ZNF438: variants seen among roughly 807,000 people sequenced by gnomAD.
ZNF438 encodes zinc finger protein 438.
A neutral mutation model predicts 38.0 loss-of-function variants in ZNF438; 25 were observed. That is an observed-to-expected ratio of 0.66 (90% CI 0.48 to 0.92). The LOEUF (loss-of-function observed/expected upper bound fraction) is 0.92. ZNF438 is among the 40% of genes least tolerant of loss of function. The probability of loss-of-function intolerance (pLI) is 0.00; values close to 1 mark genes in which losing one functional copy is unlikely to be tolerated. For missense variants in ZNF438, 1,007 were observed against 999.6 expected (o/e 1.01, Z -0.10); for synonymous variants, 372 against 364.1 (o/e 1.02, Z -0.25).
At chr10:30,955,067 T>C (rs1293625963) in intron 1 of ZNF438, among the ~76,000 whole-genome samples, 1 of 152,256 alleles carries the variant, frequency 6.6e-6, no homozygotes, top group Non-Finnish European at 1.5e-5. Flanking sequence ...GAATGTTTAC[T>C]GCAGCTATTC....
At chr10:30,849,932 T>C in exon 5 of ZNF438, 1 of 1,614,200 alleles carries the variant, frequency 6.2e-7, no homozygotes, top group Non-Finnish European at 8.5e-7. Flanking sequence ...AGGGGACATC[T>C]GAGGACACAT....
intron 4 of ZNF438, among the ~76,000 whole-genome samples, chr10:30,870,319 T>C (rs1303284288): frequency 2.0e-5 from 3 of 152,224 alleles, no homozygotes; most frequent in Non-Finnish European, 2.9e-5. Context: ...TTTGAGCCAC[T>C]TGACACGCAA....
chr10:31,017,291 TG>T (rs1260277004), intron 1 of ZNF438, among the ~76,000 whole-genome samples: 1 of 152,238 alleles, frequency 6.6e-6, no homozygotes, highest in African/African-American at 2.4e-5. Flanking sequence ...GCTTTGCCTT[TG>T]GAAGATTTTT....
At chr10:31,024,739 A>G (rs2056832524) in intron 1 of ZNF438, among the ~76,000 whole-genome samples, 1 of 152,240 alleles carries the variant, frequency 6.6e-6, no homozygotes, top group South Asian at 2.1e-4. Flanking sequence ...TTGGTCTAAT[A>G]GTGAGGATAA....
chr10:30,994,856 C>A (rs920543287), intron 1 of ZNF438, among the ~76,000 whole-genome samples: 1 of 151,812 alleles, frequency 6.6e-6, no homozygotes, highest in Non-Finnish European at 1.5e-5. Context: ...CATGGTGAGA[C>A]CCTGTCTCTA....
rs1437681998 is a variant in ZNF438 at position 30,898,934 on chromosome 10, CAG to C, written c.-32+9997_-32+9998del. On this transcript the variant is annotated intron_variant, in intron 3 of 5. Transcript: ENST00000413025. ...ACTCAAAATAATTTCAACTTAGTAA[CAG>C]ATCTTTAGTTAAGGATGGATCTTCA... 2.0e-5 allele frequency among the ~76,000 whole-genome samples: 3 copies of C among 152,126 alleles called. No homozygotes were observed. In the East Asian group the frequency reaches 5.8e-4, roughly 29 times the overall value.
At chr10:30,860,161 G>A (rs2035337389) in intron 4 of ZNF438, among the ~76,000 whole-genome samples, 1 of 152,170 alleles carries the variant, frequency 6.6e-6, no homozygotes, top group African/African-American at 2.4e-5. Context: ...TTTGATTGTA[G>A]GTCATCGGAC....
intron 1 of ZNF438, among the ~76,000 whole-genome samples, chr10:30,968,316 T>A (rs1176104906): frequency 2.0e-5 from 3 of 151,434 alleles, no homozygotes; most frequent in Non-Finnish European, 4.4e-5. Flanking sequence ...GGGAAAGCAT[T>A]CTTTCCACAA....
intron 1 of ZNF438, among the ~76,000 whole-genome samples, chr10:30,964,555 T>C (rs1286945115): frequency 6.6e-6 from 1 of 152,210 alleles, no homozygotes; most frequent in Admixed American, 6.5e-5. Context: ...CAAGTATTTG[T>C]TGACTGACGG....
chr10:30,958,402 G>T (rs1455262371), intron 1 of ZNF438, among the ~76,000 whole-genome samples: 2 of 147,030 alleles, frequency 1.4e-5, no homozygotes, highest in African/African-American at 4.9e-5. Flanking sequence ...CAACAGAAAA[G>T]AAATTTCATA....
chr10:30,878,202 AT>A (rs2038720230), intron 3 of ZNF438, among the ~76,000 whole-genome samples: 1 of 152,140 alleles, frequency 6.6e-6, no homozygotes, highest in African/African-American at 2.4e-5. Flanking sequence ...TTCTTTCTGA[AT>A]AATGTCTTTT....
intron 1 of ZNF438, among the ~76,000 whole-genome samples, chr10:30,998,311 C>T (rs898696955): frequency 1.1e-4 from 17 of 151,708 alleles, no homozygotes; most frequent in Admixed American, 2.6e-4. Flanking sequence ...GAGGCCGAGG[C>T]GGGTGGATCA....
intron 3 of ZNF438, among the ~76,000 whole-genome samples, chr10:30,881,387 C>G (rs2039234454): frequency 6.6e-6 from 1 of 151,940 alleles, no homozygotes; most frequent in Admixed American, 6.5e-5. Flanking sequence ...CCATTTATAA[C>G]AGCATAAAAA....
chr10:30,967,313 G>A (rs1438074078), intron 1 of ZNF438, among the ~76,000 whole-genome samples: 2 of 152,080 alleles, frequency 1.3e-5, no homozygotes, highest in African/African-American at 2.4e-5. Context: ...TCTCCCCAAC[G>A]CTCAACTACA....
At chr10:30,851,009 G>A (rs939868581) in intron 4 of ZNF438, among the ~76,000 whole-genome samples, 1 of 152,166 alleles carries the variant, frequency 6.6e-6, no homozygotes, top group African/African-American at 2.4e-5. Context: ...TTCCCCATGT[G>A]ACTTACGAAT....
At chr10:30,855,032 C>T (rs1483833720) in intron 4 of ZNF438, among the ~76,000 whole-genome samples, 3 of 152,078 alleles carry the variant, frequency 2.0e-5, no homozygotes, top group Admixed American at 6.5e-5. Flanking sequence ...GAAATGAAAC[C>T]AGATATACTT....
intron 2 of ZNF438, among the ~76,000 whole-genome samples, chr10:30,936,191 C>A (rs180893358): frequency 6.6e-6 from 1 of 152,124 alleles, no homozygotes; most frequent in African/African-American, 2.4e-5. Flanking sequence ...CTCTAAAGCC[C>A]GATTTGCTCA....
intron 3 of ZNF438, 40 bp downstream of exon 4, chr10:30,908,893 G>A (rs769849666): frequency 6.6e-6 from 1 of 152,116 alleles, no homozygotes; most frequent in Non-Finnish European, 1.5e-5. Context: ...TAGAAATTAA[G>A]AGCACTACAT....
intron 4 of ZNF438, among the ~76,000 whole-genome samples, chr10:30,872,293 G>T (rs886918579): frequency 6.6e-6 from 1 of 151,790 alleles, no homozygotes; most frequent in Non-Finnish European, 1.5e-5. Context: ...ACGTGTGGTG[G>T]TGCGCTCCTG....
Sources: gnomAD v4.1 joint callset for allele counts (sites outside exome capture counted in the v4.1 genomes callset) on GRCh38, gnomAD v4.1.1 for gene constraint, MANE v1.5 for transcripts, NCBI Gene and HGNC (gene_info 2026-07-23, HGNC 2026-07-21) for gene names.